The following RXFP2 variants were observed in gnomAD, a reference collection of about 807,000 sequenced individuals.
The protein encoded by RXFP2 is relaxin receptor 2.
Under a neutral mutation model 88.6 loss-of-function variants are expected in RXFP2, and 68 were observed. The observed-to-expected ratio is 0.77, with a 90% confidence interval of 0.63 to 0.94. The LOEUF (loss-of-function observed/expected upper bound fraction) is 0.94. Among genes scored for constraint, RXFP2 ranks in the 40% least tolerant of loss-of-function variants. The pLI is 0.00. For missense variants in RXFP2, 791 were observed against 893.9 expected, an observed-to-expected ratio of 0.88 and a Z score of 1.47; for synonymous variants, 329 against 306.8, an observed-to-expected ratio of 1.07 and a Z score of -0.76.
chr13:31,789,202 G>A lies in RXFP2; in HGVS notation c.1145+9G>A, dbSNP rs747624467. Reference sequence around the variant, plus strand: ...AAGAATCTTTCTCACATGTACGTATGTATAAAAAATGGAGGAGGAAGCATG... The same window carrying A: ...AAGAATCTTTCTCACATGTACGTATATATAAAAAATGGAGGAGGAAGCATG... On this transcript the variant is annotated intron_variant, in intron 14 of 17. Coordinates refer to ENST00000298386, the MANE Select transcript of RXFP2 (RefSeq NM_130806.5). 9.6e-6 allele frequency: 15 copies of A among 1,565,070 alleles called. No homozygotes were observed. The highest frequency in any genetic ancestry group is 1.3e-5 in the Non-Finnish European group (15 of 1,137,472).
At chr13:31,777,230 A>G (rs1873030620) in intron 7 of RXFP2, 146 bp from the exon 8 acceptor site, 1 of 646,148 alleles carries the variant, frequency 1.5e-6, no homozygotes, top group Non-Finnish European at 2.8e-6. Context: ...TGCTCCAACC[A>G]CAGACGGAAG....
chr13:31,765,541 C>A (rs1872517341), intron 4 of RXFP2, among the ~76,000 whole-genome samples: 1 of 151,932 alleles, frequency 6.6e-6, no homozygotes, highest in Admixed American at 6.6e-5. Context: ...AAGCTAGTAG[C>A]TATGTTATAT....
At chr13:31,763,496 A>T (rs1872398784) in intron 3 of RXFP2, among the ~76,000 whole-genome samples, 1 of 152,224 alleles carries the variant, frequency 6.6e-6, no homozygotes, top group South Asian at 2.1e-4. Context: ...ACAGCCTCCC[A>T]TGACAAAGAA....
Position 31,774,623 on chromosome 13 carries a change from T to A in RXFP2, c.501T>A (p.Phe167Leu), listed in dbSNP as rs762585346. ...TCTCTTATCTTATTCCTACCAGATT[T>A]CTTCAGCATAATTGCATTAGACACA... Reference protein sequence around the residue: ...FIKYTKLKKIFLQHNCIRHIS... With the variant: ...FIKYTKLKKILLQHNCIRHIS... The change falls in exon 6 of 18, where the codon TTT becomes TTA. Residue 167 changes from phenylalanine to leucine, a missense_variant. Coordinates refer to ENST00000298386, the MANE Select transcript of RXFP2 (RefSeq NM_130806.5). 23 of 1,517,576 alleles carry A rather than the reference T, an allele frequency of 1.5e-5. No individual in the cohort carries two copies. Among genetic ancestry groups the A allele is most frequent in the Non-Finnish European group, 1.9e-5 (21 of 1,092,164 alleles). The allele number at this position is 1,517,576 out of a possible 1,614,324, so 94.0% of individuals were successfully genotyped here. A position where few individuals can be genotyped will look rare whatever the true frequency, so the allele number is the denominator to read the frequency against.
At chr13:31,761,445 G>A (rs1440077141) in intron 2 of RXFP2, among the ~76,000 whole-genome samples, 3 of 152,074 alleles carry the variant, frequency 2.0e-5, no homozygotes, top group African/African-American at 7.2e-5. Flanking sequence ...GTCTGTATTA[G>A]AAATAGATGA....
At chr13:31,763,038 A>C (rs1292477393) in intron 3 of RXFP2, among the ~76,000 whole-genome samples, 1 of 151,476 alleles carries the variant, frequency 6.6e-6, no homozygotes, top group Non-Finnish European at 1.5e-5. Flanking sequence ...AGTCTCAGCC[A>C]TGGCAACAGT....
intron 17 of RXFP2, 104 bp downstream of exon 17, chr13:31,797,523 C>T: frequency 1.2e-6 from 1 of 854,210 alleles, no homozygotes; most frequent in Non-Finnish European, 2.0e-6. Context: ...TTCATAAAAA[C>T]CAATACAAAG....
intron 1 of RXFP2, among the ~76,000 whole-genome samples, chr13:31,743,240 A>C (rs1871281856): frequency 6.6e-6 from 1 of 152,054 alleles, no homozygotes; most frequent in Admixed American, 6.6e-5. Context: ...TTTGGGAGGC[A>C]AGCAGATCAC....
chr13:31,776,380 T>G (rs1872983609), intron 7 of RXFP2, among the ~76,000 whole-genome samples: 1 of 149,400 alleles, frequency 6.7e-6, no homozygotes, highest in African/African-American at 2.5e-5. Flanking sequence ...CTCAGCCTCC[T>G]GAGTAGTTGG....
intron 5 of RXFP2, among the ~76,000 whole-genome samples, chr13:31,772,684 A>C (rs903750955): frequency 1.3e-5 from 2 of 152,202 alleles, no homozygotes; most frequent in African/African-American, 4.8e-5. Flanking sequence ...ACAGTTCTCT[A>C]TGGGGTGGCA....
At chr13:31,761,281 C>T (rs1872288698) in intron 2 of RXFP2, among the ~76,000 whole-genome samples, 1 of 151,996 alleles carries the variant, frequency 6.6e-6, no homozygotes, top group Non-Finnish European at 1.5e-5. Context: ...TTTGCTTTTG[C>T]TTTATTAAAA....
intron 3 of RXFP2, among the ~76,000 whole-genome samples, chr13:31,764,830 C>T (rs1324756294): frequency 6.6e-6 from 1 of 152,140 alleles, no homozygotes; most frequent in African/African-American, 2.4e-5. Flanking sequence ...GAAATGACTA[C>T]TAGAAGCTAG....
Position 31,791,946 on chromosome 13 carries a change from C to A in RXFP2, c.1286C>A (p.Thr429Asn), listed in dbSNP as rs566505445. 1.5e-4 allele frequency: 247 copies of A among 1,614,146 alleles called. No homozygotes were observed. In the East Asian group the frequency reaches 5.3e-3, roughly 35 times the overall value. Reference protein sequence around the residue: ...RIFVWVIAFITCFGNLFVIGM... With the variant: ...RIFVWVIAFINCFGNLFVIGM... ...TTTGTCTGGGTTATAGCTTTCATTA[C>A]CTGCTTTGGAAATCTTTTTGTCATT... is the stretch of plus-strand genomic sequence containing the variant. The change falls in exon 15 of 18, where the codon ACC (threonine) becomes AAC (asparagine). Residue 429 changes from threonine (T) to asparagine (N), a missense_variant. Transcript: ENST00000298386.
At chr13:31,801,237 T>C (rs1874325767) in intron 17 of RXFP2, among the ~76,000 whole-genome samples, 1 of 152,056 alleles carries the variant, frequency 6.6e-6, no homozygotes, top group Admixed American at 6.6e-5. Context: ...GGGGAGTTCC[T>C]TGAAATTGTG....
chr13:31,770,801 A>G (rs1352739772), intron 5 of RXFP2, among the ~76,000 whole-genome samples: 3 of 152,132 alleles, frequency 2.0e-5, no homozygotes, highest in East Asian at 3.9e-4. Flanking sequence ...TACCCTCCTC[A>G]TGGGCTGGAC....
At chr13:31,748,197 G>T (rs1871506342) in intron 1 of RXFP2, among the ~76,000 whole-genome samples, 1 of 152,182 alleles carries the variant, frequency 6.6e-6, no homozygotes, top group South Asian at 2.1e-4. Context: ...GAACATTCTT[G>T]TATGAATCTC....
intron 17 of RXFP2, among the ~76,000 whole-genome samples, chr13:31,801,138 T>TA (rs1874318998): frequency 1.3e-5 from 2 of 151,686 alleles, no homozygotes; most frequent in African/African-American, 4.8e-5. Flanking sequence ...GGCTGAAGGA[T>TA]AAAAAAAATT....
intron 1 of RXFP2, among the ~76,000 whole-genome samples, chr13:31,754,174 G>T (rs533858285): frequency 1.3e-5 from 2 of 152,288 alleles, no homozygotes; most frequent in African/African-American, 4.8e-5. Context: ...TTGCTTGTTT[G>T]CCTCTGCCGC....
intron 6 of RXFP2, among the ~76,000 whole-genome samples, 160 bp downstream of exon 6, chr13:31,774,851 G>A (rs545759311): frequency 6.6e-6 from 1 of 152,252 alleles, no homozygotes; most frequent in South Asian, 2.1e-4. Context: ...ATTATTAAAC[G>A]ATTCCTACCT....
Sources: gnomAD v4.1 joint callset for allele counts (sites outside exome capture counted in the v4.1 genomes callset) on GRCh38, gnomAD v4.1.1 for gene constraint, MANE v1.5 for transcripts, NCBI Gene and HGNC (gene_info 2026-07-23, HGNC 2026-07-21) for gene names.